The following DNAH9 variants were observed in gnomAD, a reference collection of about 807,000 sequenced individuals.
DNAH9 encodes dynein axonemal heavy chain 9, also known as DNAH9 variant protein.
A neutral mutation model predicts 471.6 loss-of-function variants in DNAH9; 345 were observed. The observed-to-expected ratio is 0.73, with a 90% CI of 0.67 to 0.80. DNAH9 has a LOEUF of 0.80. Among genes scored for constraint, DNAH9 ranks in the 30% least tolerant of loss-of-function variants. DNAH9 has a pLI of 0.00. For synonymous variants in DNAH9, 2,093 were observed against 2,123.6 expected, an observed-to-expected ratio of 0.99 and a Z score of 0.40; for missense variants, 5,407 against 5,609.2, an observed-to-expected ratio of 0.96 and a Z score of 1.15.
intron 32 of DNAH9, among the ~76,000 whole-genome samples, chr17:11,749,061 AG>A (rs368854178): frequency 0.66 from 75,258 of 114,392 alleles, 26,187 homozygotes; most frequent in East Asian, 0.85. Flanking sequence ...AATTTTTAAG[AG>A]GGTTTTTTTT....
intron 6 of DNAH9, among the ~76,000 whole-genome samples, chr17:11,620,386 G>T (rs1397412243): frequency 6.7e-6 from 1 of 149,832 alleles, no homozygotes; most frequent in South Asian, 2.1e-4. Context: ...GGTGGCACAC[G>T]CCTGTAATCC....
chr17:11,727,718 G>A, intron 27 of DNAH9, 100 bp from the exon 28 acceptor site: 1 of 757,904 alleles, frequency 1.3e-6, no homozygotes, highest in East Asian at 2.6e-5. Flanking sequence ...GTCTTTAGGG[G>A]GACTAGAAGT....
chr17:11,716,598 AGCAG>A (rs2074968702), intron 26 of DNAH9, among the ~76,000 whole-genome samples: 1 of 152,238 alleles, frequency 6.6e-6, no homozygotes, highest in Non-Finnish European at 1.5e-5. Context: ...TCAGAAGCTC[AGCAG>A]ATGCTCAAAA....
In DNAH9 at chr17:11,854,071, G is replaced by A; in HGVS notation, c.9576G>A (p.Val3192=). The A allele has an allele frequency of 6.2e-7, 1 of 1,614,208 alleles. No individual in the cohort carries two copies. The highest frequency in any genetic ancestry group is 1.3e-5 in the African/African-American group (1 of 75,060). The change falls in exon 50 of 69, where the codon GTG becomes GTA. Residue 3192 remains valine (V), a synonymous_variant. Coordinates refer to ENST00000262442, the MANE Select transcript of DNAH9 (RefSeq NM_001372.4). ...PLAVSNVSAA[V]MVLMAPRGRV... is the part of the protein sequence containing the mutation. ...CCGTCAGCAATGTCAGCGCTGCGGT[G>A]ATGGTACTGATGGCTCCCAGGGGTA...
intron 47 of DNAH9, 51 bp downstream of exon 47, chr17:11,822,650 A>T (rs376001245): frequency 6.8e-6 from 11 of 1,606,696 alleles, no homozygotes; most frequent in African/African-American, 5.4e-5. Flanking sequence ...ATGAGGGTAC[A>T]ATGAATTCCC....
At chr17:11,634,755 G>T (rs1389041488) in intron 8 of DNAH9, among the ~76,000 whole-genome samples, 1 of 152,178 alleles carries the variant, frequency 6.6e-6, no homozygotes, top group Non-Finnish European at 1.5e-5. Context: ...TGTCAGACCT[G>T]GAAAACATCT....
chr17:11,745,089 A>G lies in DNAH9; in HGVS notation c.6399+5A>G. 3 of 1,604,438 alleles carry G rather than the reference A, an allele frequency of 1.9e-6. No homozygotes were observed. Among genetic ancestry groups the G allele is most frequent in the Non-Finnish European group, 2.6e-6 (3 of 1,173,460 alleles). On this transcript the variant is annotated splice_donor_5th_base_variant and intron_variant, in intron 31 of 68. Coordinates refer to ENST00000262442, the MANE Select transcript of DNAH9 (RefSeq NM_001372.4). ...GAGGACAACTTTGTGCTCAAGGTAC[A>G]TGTGGTTTTTCCTCCCAGGATTTCT...
chr17:11,850,490 A>G (rs552372238), intron 49 of DNAH9, among the ~76,000 whole-genome samples: 2 of 152,252 alleles, frequency 1.3e-5, no homozygotes, highest in African/African-American at 2.4e-5. Flanking sequence ...CTCTACTACT[A>G]TACAAAAACT....
intron 6 of DNAH9, among the ~76,000 whole-genome samples, chr17:11,627,709 G>T (rs2072994312): frequency 6.6e-6 from 1 of 152,138 alleles, no homozygotes; most frequent in Admixed American, 6.5e-5. Flanking sequence ...TGCCTTGGCT[G>T]GTGTCTTCCC....
At chr17:11,877,396 C>T (rs1972537132) in intron 53 of DNAH9, among the ~76,000 whole-genome samples, 1 of 147,158 alleles carries the variant, frequency 6.8e-6, no homozygotes, top group South Asian at 2.1e-4. Context: ...TCTCTTGAAC[C>T]CAGGAGGTGG....
chr17:11,653,737 G>C lies in DNAH9; in HGVS notation c.2595+735G>C, dbSNP rs1025905207. The stretch of plus-strand genomic sequence containing the variant: ...AAGCACTAATGATTACCAGAATTAA[G>C]ATAATTATCCCAATTTTATCTTTGA... On this transcript the variant is annotated intron_variant, in intron 14 of 68. Transcript: ENST00000262442. 4.6e-5 allele frequency among the ~76,000 whole-genome samples: 7 copies of C among 152,268 alleles called. 1 individual carries two copies. The South Asian group carries it at 1.5e-3, about 32-fold the overall frequency.
intron 48 of DNAH9, among the ~76,000 whole-genome samples, chr17:11,833,608 T>C (rs1567834881): frequency 6.6e-6 from 1 of 152,178 alleles, no homozygotes; most frequent in Admixed American, 6.5e-5. Flanking sequence ...TTATTGTTAA[T>C]CAAGTCCTGG....
Position 11,887,075 on chromosome 17 carries a change from T to C in DNAH9, c.11112+110T>C, listed in dbSNP as rs1343681062. 40 of 1,395,538 alleles carry C rather than the reference T, an allele frequency of 2.9e-5. 1 individual carries two copies. The highest frequency in any genetic ancestry group is 4.9e-5 in the East Asian group (2 of 40,454). 86.4% of individuals were successfully genotyped at this position (1,395,538 alleles called of 1,614,324 possible). On this transcript the variant is annotated intron_variant, in intron 57 of 68. Coordinates refer to ENST00000262442, the MANE Select transcript of DNAH9 (RefSeq NM_001372.4). Reference sequence around the variant, plus strand: ...GTAAGATCATTAGCTATGGCAAGTCTGTAAGATCAAAGCCAGGAGAGGAGC... The same window carrying C: ...GTAAGATCATTAGCTATGGCAAGTCCGTAAGATCAAAGCCAGGAGAGGAGC...
chr17:11,866,455 T>C (rs1360504312), intron 50 of DNAH9, among the ~76,000 whole-genome samples: 1 of 152,112 alleles, frequency 6.6e-6, no homozygotes, highest in Non-Finnish European at 1.5e-5. Context: ...GTTAGGCTGC[T>C]CAGGGGTCAG....
chr17:11,765,854 C>G (rs973877495), intron 36 of DNAH9, among the ~76,000 whole-genome samples: 1 of 152,160 alleles, frequency 6.6e-6, no homozygotes, highest in Non-Finnish European at 1.5e-5. Context: ...CAGTCTCTGA[C>G]CTGTGGGCTG....
rs780372700 is a variant in DNAH9 at position 11,690,287 on chromosome 17, G to C, written c.4465G>C (p.Ala1489Pro). 1.2e-6 allele frequency: 2 copies of C among 1,614,170 alleles called. No homozygotes were observed. The highest frequency in any genetic ancestry group is 3.3e-5 in the Admixed American group (2 of 60,016). The change falls in exon 20 of 69, where the codon GCT becomes CCT. Residue 1489 changes from alanine (A) to proline (P), a missense_variant. Coordinates refer to ENST00000262442, the MANE Select transcript of DNAH9 (RefSeq NM_001372.4). Reference sequence around the variant, plus strand: ...GAACCTGGTGATGTCCAAGTATGTTGCTTTCTTCTTGGAGGAGGTGTCGGG... The same window carrying C: ...GAACCTGGTGATGTCCAAGTATGTTCCTTTCTTCTTGGAGGAGGTGTCGGG... ...LQNLVMSKYVAFFLEEVSGWQ... is the reference protein window; with the variant it reads ...LQNLVMSKYVPFFLEEVSGWQ...
rs185687033 is a variant in DNAH9, at chr17:11,670,908, G to T, written c.3353+1114G>T. ...AGTGGAGACAGGGTTTCTCCATGTT[G>T]GTCAGGCTGGTCTTGAACTCCTGAC... On this transcript the variant is annotated intron_variant, in intron 17 of 68. Coordinates refer to ENST00000262442, the MANE Select transcript of DNAH9 (RefSeq NM_001372.4). Among the ~76,000 whole-genome samples, 612 of 152,248 alleles carry T rather than the reference G, an allele frequency of 4.0e-3. 3 individuals are homozygous for T. Among genetic ancestry groups the T allele is most frequent in the African/African-American group, 0.014 (570 of 41,542 alleles).
In DNAH9 at chr17:11,647,146, T is replaced by C; in HGVS notation, c.2045T>C (p.Leu682Pro). 6.2e-7 allele frequency: 1 copy of C among 1,613,992 alleles called. No homozygotes were observed. The highest frequency in any genetic ancestry group is 1.3e-5 in the African/African-American group (1 of 75,006). ...EKSQYNLSQP[L>P]LKRDPETKEI... ...TCACAGTACAATCTTTCCCAACCACTTCTAAAACGTGACCCAGAGACGAAG... is the reference window on the plus strand; with the variant it reads ...TCACAGTACAATCTTTCCCAACCACCTCTAAAACGTGACCCAGAGACGAAG... The change falls in exon 12 of 69, where the codon CTT (leucine) becomes CCT (proline). Residue 682 changes from leucine to proline, a missense_variant. Around this residue, in one of 3 missense-constraint regions of DNAH9, gnomAD observed 4,636 missense variants for 4,900.3 expected, o/e 0.95. Coordinates refer to ENST00000262442, the MANE Select transcript of DNAH9 (RefSeq NM_001372.4).
rs187917995 is a variant in DNAH9, at chr17:11,951,227, A to G, written c.12843+8742A>G. On this transcript the variant is annotated intron_variant, in intron 67 of 68. Transcript: ENST00000262442. The stretch of plus-strand genomic sequence containing the variant: ...AAAATTTTTATTCTGAAGGGAAAAA[A>G]TGAATGCAGTATGGCCTGTTTTTTT... Among the ~76,000 whole-genome samples the G allele has an allele frequency of 1.3e-3, 199 of 152,362 alleles. 2 individuals carry two copies. The highest frequency in any genetic ancestry group is 4.3e-3 in the African/African-American group (179 of 41,584).
Sources: gnomAD v4.1 joint callset for allele counts (sites outside exome capture counted in the v4.1 genomes callset) on GRCh38, gnomAD v4.1.1 for gene constraint, gnomAD v4.1.1 regional missense constraint, MANE v1.5 for transcripts, NCBI Gene and HGNC (gene_info 2026-07-23, HGNC 2026-07-21) for gene names.